IQSEC1: variants seen among roughly 807,000 people sequenced by gnomAD.
IQSEC1 encodes IQ motif and SEC7 domain-containing protein 1.
Under a neutral mutation model 91.0 loss-of-function variants are expected in IQSEC1, and 31 were observed. The ratio of observed to expected loss-of-function variants is 0.34; its 90% CI spans 0.26 to 0.46. The LOEUF is 0.46. Ranked by LOEUF, IQSEC1 falls within the 20% of genes least tolerant of loss-of-function variation. The probability of loss-of-function intolerance (pLI) is 1.00; values close to 1 mark genes in which losing one functional copy is unlikely to be tolerated. For missense variants in IQSEC1, 1,388 were observed against 1,575.6 expected (o/e 0.88, Z 2.02); for synonymous variants, 699 against 662.6 (o/e 1.05, Z -0.84).
rs181615172 is a variant in IQSEC1 at position 13,164,014 on chromosome 3, C to A, written c.302+90G>T. ...GGGAGGAGAGGTCTGACCTGGGAGA[C>A]CCGCAGGGAGAAATCAAAGCACATG... On this transcript the variant is annotated intron_variant, in intron 2 of 15. Coordinates refer to the IQSEC1 transcript ENST00000648114. Among the ~76,000 whole-genome samples, 474 of 152,294 alleles carry A rather than the reference C, an allele frequency of 3.1e-3. 4 individuals are homozygous for A. Among genetic ancestry groups the A allele is most frequent in the Admixed American group, 0.022 (338 of 15,296 alleles).
chr3:12,933,982 G>A lies in IQSEC1; in HGVS notation c.1568+1466C>T, dbSNP rs140345541. On this transcript the variant is annotated intron_variant, in intron 3 of 13. Coordinates refer to ENST00000613206, the MANE Select transcript of IQSEC1 (RefSeq NM_001134382.3). ...CTGGCCTCCACCTGTCCACTCTGCA[G>A]GGACCCCTGGTTATCCCAGCCTCCC... 6.8e-3 allele frequency among the ~76,000 whole-genome samples: 1,034 copies of A among 152,334 alleles called. 13 individuals are homozygous for A. Among genetic ancestry groups the A allele is most frequent in the African/African-American group, 0.023 (959 of 41,564 alleles).
Position 13,038,169 on chromosome 3 carries a change from AAT to A in IQSEC1, c.23+34821_23+34822del, listed in dbSNP as rs916876406. Among the ~76,000 whole-genome samples the A allele has an allele frequency of 9.1e-3, 1,342 of 147,638 alleles. 13 individuals are homozygous for A. Among genetic ancestry groups the A allele is most frequent in the African/African-American group, 0.029 (1,194 of 40,490 alleles). ...ATAAAGAAAACTTGGTATATATATG[AAT>A]ATATATATAAGTATATATAAGTATG... On this transcript the variant is annotated intron_variant, in intron 1 of 13. Coordinates refer to ENST00000613206, the MANE Select transcript of IQSEC1 (RefSeq NM_001134382.3).
rs184160494 is a variant in IQSEC1, at chr3:13,239,250, C to T, written c.272+43461G>A. Reference sequence around the variant, plus strand: ...GTCCCAGTCCACTGGGCCCACTCCACAGGCAACAGCCACCCACAGCACAGG... The same window carrying T: ...GTCCCAGTCCACTGGGCCCACTCCATAGGCAACAGCCACCCACAGCACAGG... On this transcript the variant is annotated intron_variant, in intron 1 of 15. Transcript: ENST00000648114. Among the ~76,000 whole-genome samples, 388 of 152,362 alleles carry T rather than the reference C, an allele frequency of 2.5e-3. 2 individuals are homozygous for T. Among genetic ancestry groups the T allele is most frequent in the African/African-American group, 8.7e-3 (363 of 41,586 alleles).
At chr3:13,021,685 G>A (rs184520768) in intron 1 of IQSEC1, among the ~76,000 whole-genome samples, 2 of 152,330 alleles carry the variant, frequency 1.3e-5, no homozygotes, top group East Asian at 1.9e-4. Flanking sequence ...ACGCGTGTGA[G>A]CCCCATTTCG....
intron 1 of IQSEC1, among the ~76,000 whole-genome samples, chr3:13,255,882 CAG>C (rs1455970259): frequency 2.0e-5 from 3 of 152,202 alleles, no homozygotes; most frequent in Admixed American, 1.3e-4. Context: ...GGTTCCAACT[CAG>C]AGGCAATTCA....
intron 3 of IQSEC1, among the ~76,000 whole-genome samples, chr3:12,929,567 C>T (rs758363377): frequency 3.3e-5 from 5 of 152,226 alleles, no homozygotes; most frequent in South Asian, 2.1e-4. Context: ...TTATAATCCA[C>T]GCTTCTGCCC....
In IQSEC1 at chr3:12,900,461, A is replaced by T. The variant is rs1033761813; in HGVS notation, c.*522T>A. 1.2e-4 allele frequency: 84 copies of T among 707,134 alleles called. No individual in the cohort carries two copies. Among genetic ancestry groups the T allele is most frequent in the South Asian group, 5.7e-4 (9 of 15,736 alleles). 43.8% of individuals were successfully genotyped at this position (707,134 alleles called of 1,614,324 possible). The stretch of plus-strand genomic sequence containing the variant: ...AGTACTACCTATACAGTATATATAT[A>T]TATATATTTATATATTTATATATTT... On this transcript the variant is annotated 3_prime_UTR_variant, in exon 14 of 14. Coordinates refer to ENST00000613206, the MANE Select transcript of IQSEC1 (RefSeq NM_001134382.3).
rs2600329 is a variant in IQSEC1 at position 12,927,446 on chromosome 3, T to A, written c.1569-2704A>T. ...CAGGCTGTCTGGTCCCTTCCCCACA[T>A]AGGTGCATGCTCTAACTCCACCCAG... On this transcript the variant is annotated intron_variant, in intron 3 of 13. Coordinates refer to ENST00000613206, the MANE Select transcript of IQSEC1 (RefSeq NM_001134382.3). 2.0e-5 allele frequency among the ~76,000 whole-genome samples: 3 copies of A among 147,104 alleles called. No homozygotes were observed. The East Asian group carries it at 6.0e-4, about 29-fold the overall frequency.
intron 2 of IQSEC1, among the ~76,000 whole-genome samples, chr3:13,102,974 C>T (rs1214771182): frequency 6.6e-6 from 1 of 152,290 alleles, no homozygotes; most frequent in South Asian, 2.1e-4. Context: ...AGCTCAGCCC[C>T]GTCAGAGGTG....
At chr3:13,024,997 C>T (rs1221238898) in intron 1 of IQSEC1, among the ~76,000 whole-genome samples, 2 of 152,252 alleles carry the variant, frequency 1.3e-5, no homozygotes, top group Non-Finnish European at 2.9e-5. Context: ...TAAGACTTAA[C>T]CTCTCAACAT....
Position 13,245,509 on chromosome 3 carries a change from G to A in IQSEC1, c.272+37202C>T, listed in dbSNP as rs1695093536. On this transcript the variant is annotated intron_variant, in intron 1 of 15. Transcript: ENST00000648114. ...AAGCCAGGCACAGTGGCTCACGCCT[G>A]TAATCCCAGCCCTTTGGAAGGCCAA... Among the ~76,000 whole-genome samples, 2 of 152,236 alleles carry A rather than the reference G, an allele frequency of 1.3e-5. 1 individual carries two copies. Among genetic ancestry groups the A allele is most frequent in the South Asian group, 4.1e-4 (2 of 4,836 alleles).
chr3:13,082,087 G>A (rs751132848), intron 2 of IQSEC1, among the ~76,000 whole-genome samples: 6 of 152,130 alleles, frequency 3.9e-5, no homozygotes, highest in African/African-American at 4.8e-5. Context: ...CCCCCGAGTC[G>A]CGCAGGGCAG....
intron 1 of IQSEC1, among the ~76,000 whole-genome samples, chr3:13,058,400 G>A (rs1450860238): frequency 3.9e-5 from 6 of 152,260 alleles, no homozygotes; most frequent in Non-Finnish European, 8.8e-5. Context: ...GCCATGATGT[G>A]CTGAGTGCCA....
At chr3:13,032,366 G>A (rs1207565740) in intron 1 of IQSEC1, among the ~76,000 whole-genome samples, 1 of 152,206 alleles carries the variant, frequency 6.6e-6, no homozygotes, top group Non-Finnish European at 1.5e-5. Context: ...GGCTGGCCCT[G>A]TGAAAGTGGA....
chr3:12,950,887 C>T (rs1039655061), intron 1 of IQSEC1, among the ~76,000 whole-genome samples: 10 of 152,016 alleles, frequency 6.6e-5, no homozygotes, highest in Non-Finnish European at 1.5e-4. Context: ...ACCTCGTGAT[C>T]CACCCGTCTT....
intron 2 of IQSEC1, among the ~76,000 whole-genome samples, chr3:13,147,351 A>G (rs565037969): frequency 7.7e-6 from 1 of 129,716 alleles, no homozygotes; most frequent in African/African-American, 3.0e-5. Context: ...GAGGTCCATT[A>G]TATCACACCG....
At chr3:12,952,236 G>A (rs1371029103) in intron 1 of IQSEC1, among the ~76,000 whole-genome samples, 1 of 152,136 alleles carries the variant, frequency 6.6e-6, no homozygotes, top group Non-Finnish European at 1.5e-5. Context: ...GCCCCTTTGA[G>A]GCCTAGTAGA....
At chr3:12,993,679 G>T (rs1180063001) in intron 1 of IQSEC1, among the ~76,000 whole-genome samples, 1 of 152,118 alleles carries the variant, frequency 6.6e-6, no homozygotes, top group Non-Finnish European at 1.5e-5. Flanking sequence ...CGTCTGCATA[G>T]CCGCGGAGGT....
At chr3:12,910,342 T>C (rs867859956) in intron 10 of IQSEC1, among the ~76,000 whole-genome samples, 31 of 152,306 alleles carry the variant, frequency 2.0e-4, no homozygotes, top group Middle Eastern at 3.4e-3. Flanking sequence ...CCTGGGACCA[T>C]AGACATGATC....
Sources: gnomAD v4.1 joint callset for allele counts (sites outside exome capture counted in the v4.1 genomes callset) on GRCh38, gnomAD v4.1.1 for gene constraint, MANE v1.5 for transcripts, NCBI Gene and HGNC (gene_info 2026-07-23, HGNC 2026-07-21) for gene names.